The following SLC13A1 variants were observed in gnomAD, a reference collection of about 807,000 sequenced individuals.
SLC13A1 encodes the protein solute carrier family 13 member 1.
A neutral mutation model predicts 70.0 loss-of-function variants in SLC13A1; 65 were observed. That is an observed-to-expected ratio of 0.93 (90% CI 0.76 to 1.14). The LOEUF is 1.14. Ranked by LOEUF, SLC13A1 falls within the 50% of genes most tolerant of loss-of-function variation. The pLI is 0.00. For missense variants in SLC13A1, 726 were observed against 717.8 expected, an observed-to-expected ratio of 1.01 and a Z score of -0.13; for synonymous variants, 275 against 250.5, an observed-to-expected ratio of 1.10 and a Z score of -0.92.
Position 123,171,804 on chromosome 7 carries a change from A to C in SLC13A1, c.329T>G (p.Leu110Arg). The C allele has an allele frequency of 3.1e-6, 5 of 1,613,970 alleles. No individual in the cohort carries two copies. The highest frequency in any genetic ancestry group is 4.2e-6 in the Non-Finnish European group (5 of 1,179,906). The change falls in exon 3 of 15, where the codon CTG becomes CGG. Residue 110 changes from leucine (L) to arginine (R), a missense_variant. Coordinates refer to ENST00000194130, the MANE Select transcript of SLC13A1 (RefSeq NM_022444.4). ...TACACCAACCATCATCACCATTTTC[A>C]GAGCAATTCTCTTGTGCAAATTCCA... ...EKWNLHKRIALKMVMMVGVNP... is the reference protein window; with the variant it reads ...EKWNLHKRIARKMVMMVGVNP...
In SLC13A1 at chr7:123,164,951, A is replaced by T. The variant is rs181067051; in HGVS notation, c.660+3423T>A. 1.7e-3 allele frequency among the ~76,000 whole-genome samples: 257 copies of T among 151,988 alleles called. 2 individuals are homozygous for T. The highest frequency in any genetic ancestry group is 0.015 in the Admixed American group (221 of 15,230). On this transcript the variant is annotated intron_variant, in intron 6 of 14. Coordinates refer to ENST00000194130, the MANE Select transcript of SLC13A1 (RefSeq NM_022444.4). ...CAAATTCAAAGTCAAACCCCACAGG[A>T]TTTATTTTAATTCAATAGAATATCC...
intron 1 of SLC13A1, among the ~76,000 whole-genome samples, chr7:123,193,147 A>G (rs1341490363): frequency 6.6e-6 from 1 of 152,104 alleles, no homozygotes; most frequent in Non-Finnish European, 1.5e-5. Context: ...GCAATCCATG[A>G]ACTACCTGCT....
intron 9 of SLC13A1, 91 bp from the exon 10 acceptor site, chr7:123,129,037 T>C (rs1793661706): frequency 2.3e-6 from 2 of 852,446 alleles, no homozygotes. Context: ...ATGATCGCAG[T>C]AGAACACTAA....
At chr7:123,183,154 C>T (rs192267113) in intron 1 of SLC13A1, among the ~76,000 whole-genome samples, 3 of 152,236 alleles carry the variant, frequency 2.0e-5, no homozygotes, top group Admixed American at 2.0e-4. Flanking sequence ...ATTCTAGACC[C>T]TTTGACCGTG....
At chr7:123,168,105 C>G (rs148115345) in intron 6 of SLC13A1, among the ~76,000 whole-genome samples, 5 of 152,230 alleles carry the variant, frequency 3.3e-5, no homozygotes, top group African/African-American at 4.8e-5. Context: ...TTTCTTTAAA[C>G]TACCTTGGCT....
At chr7:123,146,315 A>G (rs1794349047) in intron 7 of SLC13A1, among the ~76,000 whole-genome samples, 1 of 152,176 alleles carries the variant, frequency 6.6e-6, no homozygotes, top group Non-Finnish European at 1.5e-5. Flanking sequence ...ACTTGAGATC[A>G]GGAGTTTGAG....
At chr7:123,190,443 T>C (rs1218012207) in intron 1 of SLC13A1, 2 of 381,076 alleles carry the variant, frequency 5.2e-6, no homozygotes, top group African/African-American at 4.3e-5. Context: ...ATGAGAGAAA[T>C]GGCTGGTAAC....
Position 123,197,062 on chromosome 7 carries a change from G to A in SLC13A1, c.99+2786C>T, listed in dbSNP as rs1251661674. Among the ~76,000 whole-genome samples, 8 of 152,154 alleles carry A rather than the reference G, an allele frequency of 5.3e-5. No homozygotes were observed. In the East Asian group the frequency reaches 1.5e-3, roughly 29 times the overall value. ...ATTTGGGGAAAGCAGTTGGCAGAATGCCTGAAACAGAAGAGTACTCTGCAA... is the reference window on the plus strand; with the variant it reads ...ATTTGGGGAAAGCAGTTGGCAGAATACCTGAAACAGAAGAGTACTCTGCAA... On this transcript the variant is annotated intron_variant, in intron 1 of 14. Coordinates refer to ENST00000194130, the MANE Select transcript of SLC13A1 (RefSeq NM_022444.4).
intron 12 of SLC13A1, among the ~76,000 whole-genome samples, chr7:123,119,640 T>C (rs1019355430): frequency 2.0e-5 from 3 of 152,054 alleles, no homozygotes; most frequent in African/African-American, 7.2e-5. Context: ...TAGCCACTTA[T>C]AGCTAGCTAT....
intron 6 of SLC13A1, chr7:123,148,649 A>AC (rs1185333998): frequency 6.3e-6 from 2 of 316,754 alleles, no homozygotes; most frequent in Non-Finnish European, 1.2e-5. Context: ...AGTTATGTTT[A>AC]GTCAGGAGAA....
At chr7:123,172,930 A>G (rs10265066) in intron 2 of SLC13A1, among the ~76,000 whole-genome samples, 7,670 of 152,194 alleles carry the variant, frequency 0.05, 628 homozygotes, top group African/African-American at 0.17. Flanking sequence ...GGGGGATATC[A>G]TATACTACAT....
chr7:123,198,134 A>G (rs1216781113), intron 1 of SLC13A1, among the ~76,000 whole-genome samples: 1 of 152,060 alleles, frequency 6.6e-6, no homozygotes, highest in Non-Finnish European at 1.5e-5. Context: ...TAGAGGACTC[A>G]TGGGACCAGG....
chr7:123,156,001 C>G (rs1057021752), intron 6 of SLC13A1, among the ~76,000 whole-genome samples: 1 of 152,136 alleles, frequency 6.6e-6, no homozygotes. Flanking sequence ...GAAGCTGTTG[C>G]ATCCATGTGG....
intron 9 of SLC13A1, 127 bp from the exon 10 acceptor site, chr7:123,129,073 T>A: frequency 1.4e-6 from 1 of 725,804 alleles, no homozygotes; most frequent in East Asian, 2.7e-5. Context: ...GATGTGTCAA[T>A]AATTTGAGAG....
chr7:123,161,573 G>C (rs1411798333), intron 6 of SLC13A1, among the ~76,000 whole-genome samples: 2 of 152,160 alleles, frequency 1.3e-5, no homozygotes, highest in African/African-American at 2.4e-5. Flanking sequence ...AATGGACAGA[G>C]GGAGATGGGG....
chr7:123,144,556 A>G (rs973307625), intron 7 of SLC13A1, among the ~76,000 whole-genome samples: 2 of 152,134 alleles, frequency 1.3e-5, no homozygotes, highest in Non-Finnish European at 2.9e-5. Flanking sequence ...TTAAAACACA[A>G]CCTCTGTTCA....
intron 1 of SLC13A1, among the ~76,000 whole-genome samples, chr7:123,198,059 TA>T (rs1448913780): frequency 6.6e-6 from 1 of 152,046 alleles, no homozygotes; most frequent in Non-Finnish European, 1.5e-5. Flanking sequence ...AACTCAAAAA[TA>T]TTAAAATATA....
At chr7:123,196,954 T>C (rs1796206447) in intron 1 of SLC13A1, among the ~76,000 whole-genome samples, 1 of 152,150 alleles carries the variant, frequency 6.6e-6, no homozygotes, top group Non-Finnish European at 1.5e-5. Flanking sequence ...GTTACATGTC[T>C]CTGAGCATCA....
At chr7:123,142,330 C>G (rs1794182927) in intron 7 of SLC13A1, among the ~76,000 whole-genome samples, 1 of 152,136 alleles carries the variant, frequency 6.6e-6, no homozygotes, top group South Asian at 2.1e-4. Flanking sequence ...ACTCACCTTT[C>G]AGGGCAGAGG....
Sources: allele counts gnomAD v4.1 joint callset (sites outside exome capture counted in the v4.1 genomes callset), GRCh38; gene constraint gnomAD v4.1.1; transcripts MANE v1.5; gene names NCBI Gene and HGNC (gene_info 2026-07-23, HGNC 2026-07-21).